The following PDE1A variants were observed in gnomAD, a reference collection of about 807,000 sequenced individuals.
PDE1A encodes dual specificity calcium/calmodulin-dependent 3',5'-cyclic nucleotide phosphodiesterase 1A.
A neutral mutation model predicts 61.7 loss-of-function variants in PDE1A; 35 were observed. The ratio of observed to expected loss-of-function variants is 0.57; its 90% CI spans 0.43 to 0.75. PDE1A has a LOEUF of 0.75. PDE1A is among the 30% of genes least tolerant of loss of function. The pLI is 0.00. For synonymous variants in PDE1A, 232 were observed against 213.2 expected (o/e 1.09, Z -0.77); for missense variants, 597 against 630.6 (o/e 0.95, Z 0.57).
the PDE1A span, among the ~76,000 whole-genome samples, chr2:182,649,102 C>T: frequency 6.6e-6 from 1 of 152,076 alleles, no homozygotes; most frequent in African/African-American, 2.4e-5. Context: ...TAGAATACAT[C>T]TGAAACTATC....
At chr2:182,646,598 C>G in the PDE1A span, among the ~76,000 whole-genome samples, 1 of 151,582 alleles carries the variant, frequency 6.6e-6, no homozygotes, top group Non-Finnish European at 1.5e-5. Flanking sequence ...GCAGGAGAAT[C>G]GCTTGAACCC....
At chr2:182,485,282 C>T (rs539882418) in intron 2 of PDE1A, among the ~76,000 whole-genome samples, 4 of 152,150 alleles carry the variant, frequency 2.6e-5, no homozygotes, top group Admixed American at 1.3e-4. Context: ...CCAAATATCA[C>T]GTGTTCTCAC....
chr2:182,452,167 C>T (rs144621623), intron 2 of PDE1A, among the ~76,000 whole-genome samples: 5 of 152,116 alleles, frequency 3.3e-5, no homozygotes, highest in African/African-American at 1.2e-4. Flanking sequence ...ATCTTCTGTA[C>T]GTAAGAACTC....
At chr2:182,554,728 T>G in the PDE1A span, among the ~76,000 whole-genome samples, 4 of 152,310 alleles carry the variant, frequency 2.6e-5, no homozygotes. Flanking sequence ...ATCATTATTT[T>G]TAGTCATGTC....
chr2:182,270,065 C>T (rs893073980), intron 1 of PDE1A, among the ~76,000 whole-genome samples: 1 of 151,958 alleles, frequency 6.6e-6, no homozygotes, highest in African/African-American at 2.4e-5. Flanking sequence ...TTTGATAATT[C>T]CTAAGACTTT....
At chr2:182,294,298 CATT>C (rs1694731216) in intron 1 of PDE1A, among the ~76,000 whole-genome samples, 1 of 152,082 alleles carries the variant, frequency 6.6e-6, no homozygotes, top group Non-Finnish European at 1.5e-5. Flanking sequence ...AATCTGGGCT[CATT>C]AATGATAATT....
chr2:182,627,194 TTATATTATTTATATATAAAATATAAATAA>T, the PDE1A span, among the ~76,000 whole-genome samples: 15 of 15,780 alleles, frequency 9.5e-4, 1 homozygote, highest in Admixed American at 3.4e-3. Flanking sequence ...AATATAAATA[TTATATTATTTATATATAAAATATAAATAA>T]TATATTATTT....
At chr2:182,676,935 A>G in the PDE1A span, among the ~76,000 whole-genome samples, 8 of 152,340 alleles carry the variant, frequency 5.3e-5, no homozygotes, top group Admixed American at 4.6e-4. Flanking sequence ...AGAGCCATCT[A>G]TGACAGACCC....
chr2:182,145,828 T>C (rs543299745), downstream of PDE1A, among the ~76,000 whole-genome samples: 1 of 152,336 alleles, frequency 6.6e-6, no homozygotes, highest in East Asian at 1.9e-4. Context: ...ACTATTCTTA[T>C]GAATAAAAGA....
At chr2:182,398,814 G>T (rs1161978831) in intron 1 of PDE1A, among the ~76,000 whole-genome samples, 6 of 152,028 alleles carry the variant, frequency 3.9e-5, no homozygotes, top group Non-Finnish European at 8.8e-5. Flanking sequence ...TTTACTTTTA[G>T]AAATCTTAAA....
At chr2:182,424,233 C>T (rs148906850) in intron 1 of PDE1A, among the ~76,000 whole-genome samples, 1,951 of 152,274 alleles carry the variant, frequency 0.013, 27 homozygotes, top group South Asian at 0.048. Context: ...GCATGAGCCA[C>T]GGCACCCGGC....
At chr2:182,253,303 C>T (rs1691539483) in intron 2 of PDE1A, among the ~76,000 whole-genome samples, 1 of 152,052 alleles carries the variant, frequency 6.6e-6, no homozygotes. Context: ...TGATTGATTT[C>T]CTTAAAAACA....
chr2:182,150,409 A>T (rs1051409469), intron 13 of PDE1A, among the ~76,000 whole-genome samples: 5 of 152,126 alleles, frequency 3.3e-5, no homozygotes, highest in African/African-American at 1.2e-4. Context: ...TGGTACTTCA[A>T]GAAGACCAGT....
At chr2:182,485,766 A>T (rs1303991181) in intron 2 of PDE1A, among the ~76,000 whole-genome samples, 1 of 152,090 alleles carries the variant, frequency 6.6e-6, no homozygotes, top group Non-Finnish European at 1.5e-5. Context: ...TAATAGATGC[A>T]GAAAAACTAT....
chr2:182,279,446 T>C (rs1693659926), intron 1 of PDE1A, among the ~76,000 whole-genome samples: 2 of 151,970 alleles, frequency 1.3e-5, no homozygotes, highest in Admixed American at 6.6e-5. Flanking sequence ...TATATATTCA[T>C]GGACCAGATT....
At chr2:182,483,260 A>G (rs1660511255) in intron 2 of PDE1A, among the ~76,000 whole-genome samples, 1 of 151,894 alleles carries the variant, frequency 6.6e-6, no homozygotes, top group South Asian at 2.1e-4. Flanking sequence ...TATTCTCAAT[A>G]TTTGATAGAA....
intron 2 of PDE1A, among the ~76,000 whole-genome samples, chr2:182,437,778 A>T (rs906706267): frequency 1.3e-5 from 2 of 151,846 alleles, no homozygotes; most frequent in African/African-American, 2.4e-5. Context: ...TGTTTCTTAC[A>T]ATCATTTTAT....
At chr2:182,558,339 T>TA in the PDE1A span, among the ~76,000 whole-genome samples, 5 of 152,050 alleles carry the variant, frequency 3.3e-5, no homozygotes, top group Non-Finnish European at 7.4e-5. Context: ...AACATTGTCA[T>TA]AAAAAATAAG....
At chr2:182,414,936 T>A (rs952527379) in intron 1 of PDE1A, among the ~76,000 whole-genome samples, 5 of 152,172 alleles carry the variant, frequency 3.3e-5, no homozygotes, top group Non-Finnish European at 7.4e-5. Context: ...TTTTACATAA[T>A]GTTTAGCTCA....
Sources: allele counts gnomAD v4.1 joint callset (sites outside exome capture counted in the v4.1 genomes callset), GRCh38; gene constraint gnomAD v4.1.1; transcripts MANE v1.5; gene names NCBI Gene and HGNC (gene_info 2026-07-23, HGNC 2026-07-21).